DMD: variants seen among roughly 807,000 people sequenced by gnomAD.
DMD encodes dystrophin.
In DMD, 63 loss-of-function variants were observed where a neutral mutation model predicts 330.1. That is an observed-to-expected ratio of 0.19 (90% CI 0.16 to 0.24). The LOEUF (loss-of-function observed/expected upper bound fraction) is 0.24. Among genes scored for constraint, DMD ranks in the 10% least tolerant of loss-of-function variants. The pLI is 1.00. For synonymous variants in DMD, 1,223 were observed against 959.8 expected (o/e 1.27, Z -5.07); for missense variants, 3,344 against 2,684.1 (o/e 1.25, Z -5.43).
chrX:31,381,202 C>T (rs1441740864), intron 60 of DMD, among the ~76,000 whole-genome samples: 2 of 111,167 alleles, frequency 1.8e-5, no homozygotes, highest in Non-Finnish European at 3.8e-5. Flanking sequence ...CCCACCCGAG[C>T]TCTCCCTGAC....
chrX:32,696,147 C>T (rs971480049), intron 9 of DMD, among the ~76,000 whole-genome samples: 4 of 111,938 alleles, frequency 3.6e-5, no homozygotes, highest in Non-Finnish European at 7.5e-5. Context: ...CAAGTAAACA[C>T]TTTAATAAAG....
intron 44 of DMD, among the ~76,000 whole-genome samples, chrX:32,005,525 C>G (rs1243300609): frequency 9.0e-6 from 1 of 110,673 alleles, no homozygotes; most frequent in African/African-American, 3.3e-5. Context: ...TTCCTGTTGT[C>G]CTGAAATGTG....
intron 61 of DMD, among the ~76,000 whole-genome samples, chrX:31,345,145 A>G (rs1344464424): frequency 2.7e-5 from 3 of 112,329 alleles, no homozygotes; most frequent in Non-Finnish European, 5.6e-5. Context: ...TTTTAAGCGT[A>G]TATTGATATT....
At chrX:33,172,701 C>T (rs2049421780) in intron 1 of DMD, among the ~76,000 whole-genome samples, 1 of 111,855 alleles carries the variant, frequency 8.9e-6, no homozygotes, top group Admixed American at 9.5e-5. Context: ...GCATTTAACG[C>T]ATTAGGAGGA....
At chrX:32,365,227 A>T (rs777739540) in intron 34 of DMD, 28 bp from the exon 35 acceptor site, 3 of 1,194,887 alleles carry the variant, frequency 2.5e-6, no homozygotes, top group African/African-American at 3.5e-5. Flanking sequence ...TTGACCTTCA[A>T]GTAATGTCTT....
At position 32,001,613 on chromosome X, in the gene DMD, C is replaced by A. The variant is rs140420148; in HGVS notation, c.6439-33099G>T. On this transcript the variant is annotated intron_variant, in intron 44 of 78. Transcript: ENST00000357033. ...TCCTCCTGGCACAACAAAGGTTCAG[C>A]AAGAAAAGTGACAGCTTCAACAACC... Among the ~76,000 whole-genome samples, 783 of 110,986 alleles carry A rather than the reference C, an allele frequency of 7.1e-3. 6 individuals are homozygous for A. Among genetic ancestry groups the A allele is most frequent in the African/African-American group, 0.024 (735 of 30,559 alleles).
intron 60 of DMD, among the ~76,000 whole-genome samples, chrX:31,361,512 G>A (rs1713731927): frequency 9.0e-6 from 1 of 111,477 alleles, no homozygotes; most frequent in African/African-American, 3.3e-5. Flanking sequence ...TTTTGGAAGT[G>A]AGACAGCAGT....
At chrX:32,219,936 C>T (rs1046585586) in intron 43 of DMD, among the ~76,000 whole-genome samples, 2 of 60,955 alleles carry the variant, frequency 3.3e-5, no homozygotes, top group African/African-American at 1.0e-4. Flanking sequence ...AATTCTTTTC[C>T]TTTTTACAAG....
intron 21 of DMD, among the ~76,000 whole-genome samples, chrX:32,482,438 A>T (rs1465891738): frequency 2.7e-5 from 3 of 111,663 alleles, no homozygotes; most frequent in Non-Finnish European, 5.7e-5. Flanking sequence ...TTCACTCAGC[A>T]TAATGTCTTC....
intron 41 of DMD, among the ~76,000 whole-genome samples, chrX:32,323,514 T>A (rs1254806677): frequency 9.4e-6 from 1 of 106,459 alleles, no homozygotes; most frequent in Non-Finnish European, 1.9e-5. Context: ...GGAAATAAAA[T>A]TATAAATTAT....
intron 15 of DMD, among the ~76,000 whole-genome samples, chrX:32,570,595 A>T (rs2052305385): frequency 1.8e-5 from 2 of 111,971 alleles, no homozygotes; most frequent in South Asian, 7.5e-4. Context: ...ATCAACTGAT[A>T]TGAGGACTAC....
At chrX:31,337,163 T>C (rs1271490176) in intron 61 of DMD, among the ~76,000 whole-genome samples, 2 of 110,061 alleles carry the variant, frequency 1.8e-5, no homozygotes, top group Admixed American at 9.7e-5. Flanking sequence ...GACCTCGTGA[T>C]CCGCCCGCCT....
At chrX:32,444,217 AGGAAACTATTGTTG>A (rs1344540785) in intron 27 of DMD, among the ~76,000 whole-genome samples, 1 of 110,606 alleles carries the variant, frequency 9.0e-6, no homozygotes, top group Non-Finnish European at 1.9e-5. Context: ...TGATTTAGCA[AGGAAACTATTGTTG>A]GGGGATTTTG....
At chrX:32,737,748 G>T (rs1347772058) in intron 7 of DMD, among the ~76,000 whole-genome samples, 1 of 111,559 alleles carries the variant, frequency 9.0e-6, no homozygotes, top group African/African-American at 3.3e-5. Context: ...GTGCAATTAG[G>T]AACTAATGTT....
intron 9 of DMD, among the ~76,000 whole-genome samples, chrX:32,647,770 A>G (rs1316426863): frequency 8.9e-6 from 1 of 112,251 alleles, no homozygotes; most frequent in African/African-American, 3.2e-5. Flanking sequence ...TGTAATTATT[A>G]TCAAATTCCT....
chrX:32,209,090 T>C (rs1399353362), intron 44 of DMD, among the ~76,000 whole-genome samples: 1 of 111,674 alleles, frequency 9.0e-6, no homozygotes, highest in Non-Finnish European at 1.9e-5. Flanking sequence ...GGTATATTGG[T>C]GATCGAGAAA....
intron 2 of DMD, among the ~76,000 whole-genome samples, chrX:33,012,957 T>G (rs996410368): frequency 9.0e-6 from 1 of 111,104 alleles, no homozygotes; most frequent in Non-Finnish European, 1.9e-5. Flanking sequence ...TTGGGGTTAC[T>G]AAACATTCAA....
At chrX:32,495,357 T>C (rs921430331) in intron 19 of DMD, among the ~76,000 whole-genome samples, 5 of 111,696 alleles carry the variant, frequency 4.5e-5, no homozygotes, top group African/African-American at 1.6e-4. Context: ...TAGTGTACTC[T>C]ATATGAATAT....
At chrX:33,179,422 G>C (rs1450492899) in intron 1 of DMD, among the ~76,000 whole-genome samples, 1 of 111,226 alleles carries the variant, frequency 9.0e-6, no homozygotes, top group Non-Finnish European at 1.9e-5. Flanking sequence ...GGCCGGGTGC[G>C]ATGGCTCACC....
Sources: gnomAD v4.1 joint callset for allele counts (sites outside exome capture counted in the v4.1 genomes callset) on GRCh38, gnomAD v4.1.1 for gene constraint, MANE v1.5 for transcripts, NCBI Gene and HGNC (gene_info 2026-07-23, HGNC 2026-07-21) for gene names.